Variants in TNRC6B observed in about 807,000 individuals in gnomAD.
TNRC6B encodes the protein trinucleotide repeat-containing gene 6B protein.
A neutral mutation model predicts 203.6 loss-of-function variants in TNRC6B; 52 were observed. That is an observed-to-expected ratio of 0.26 (90% CI 0.20 to 0.32). The LOEUF (loss-of-function observed/expected upper bound fraction) is 0.32, where lower values mean the gene tolerates loss of function less well. Ranked by LOEUF, TNRC6B falls within the 10% of genes least tolerant of loss-of-function variation. The pLI, the probability that TNRC6B is intolerant of heterozygous loss-of-function variation, is 1.00. For missense variants in TNRC6B, 1,923 were observed against 2,286.2 expected (o/e 0.84, Z 3.24); for synonymous variants, 838 against 845.7 (o/e 0.99, Z 0.16).
chr22:40,197,346 T>A (rs762631267), intron 1 of TNRC6B, among the ~76,000 whole-genome samples: 4 of 151,982 alleles, frequency 2.6e-5, no homozygotes, highest in Non-Finnish European at 5.9e-5. Flanking sequence ...AGCACATGGC[T>A]TGATCTCAGC....
intron 3 of TNRC6B, among the ~76,000 whole-genome samples, chr22:40,259,596 T>TC (rs1262308372): frequency 3.3e-5 from 5 of 152,094 alleles, no homozygotes; most frequent in Admixed American, 2.6e-4. Context: ...CCACTCCCCC[T>TC]CCCCTTACTG....
intron 6 of TNRC6B, among the ~76,000 whole-genome samples, chr22:40,272,119 T>A (rs2070573034): frequency 6.6e-6 from 1 of 152,158 alleles, no homozygotes; most frequent in African/African-American, 2.4e-5. Flanking sequence ...TTGTATAATA[T>A]AAATCATAAA....
intron 17 of TNRC6B, among the ~76,000 whole-genome samples, chr22:40,311,493 C>T (rs944385086): frequency 6.6e-6 from 1 of 151,846 alleles, no homozygotes; most frequent in African/African-American, 2.4e-5. Flanking sequence ...TCTTTCTGTG[C>T]ATGCGTATTT....
At chr22:40,167,277 T>G (rs2068927900) in intron 4 of TNRC6B, among the ~76,000 whole-genome samples, 1 of 152,168 alleles carries the variant, frequency 6.6e-6, no homozygotes, top group South Asian at 2.1e-4. Context: ...AAGTCACTCA[T>G]AAGTCCATTG....
chr22:40,148,337 G>A (rs1168797558), intron 3 of TNRC6B, among the ~76,000 whole-genome samples: 1 of 145,670 alleles, frequency 6.9e-6, no homozygotes, highest in Non-Finnish European at 1.5e-5. Flanking sequence ...AGGCTGCAGT[G>A]CAGTGGCACA....
At chr22:40,254,547 G>A (rs767101083) in intron 3 of TNRC6B, among the ~76,000 whole-genome samples, 3 of 152,138 alleles carry the variant, frequency 2.0e-5, no homozygotes, top group Non-Finnish European at 2.9e-5. Flanking sequence ...AGATGTTAGA[G>A]TGATGGCTGG....
intron 3 of TNRC6B, among the ~76,000 whole-genome samples, chr22:40,155,559 T>C (rs2068812374): frequency 6.6e-6 from 1 of 152,022 alleles, no homozygotes; most frequent in Non-Finnish European, 1.5e-5. Flanking sequence ...AGTGCTGGGA[T>C]TACAGGCGTG....
chr22:40,132,408 G>C (rs1412713521), intron 3 of TNRC6B, among the ~76,000 whole-genome samples: 3 of 151,562 alleles, frequency 2.0e-5, no homozygotes, highest in Non-Finnish European at 4.4e-5. Context: ...ACGGAGCCAG[G>C]AGGCAGAGGT....
intron 1 of TNRC6B, among the ~76,000 whole-genome samples, chr22:40,080,684 C>T (rs2068056940): frequency 6.6e-6 from 1 of 152,126 alleles, no homozygotes; most frequent in Non-Finnish European, 1.5e-5. Flanking sequence ...ACTCCCTTGC[C>T]TGCCCTCTTA....
chr22:40,297,387 A>T (rs1192660265), intron 12 of TNRC6B, among the ~76,000 whole-genome samples: 1 of 152,222 alleles, frequency 6.6e-6, no homozygotes, highest in Non-Finnish European at 1.5e-5. Context: ...GTAGAATAAT[A>T]GGATCAACAA....
chr22:40,212,073 G>T (rs941785678), intron 1 of TNRC6B, among the ~76,000 whole-genome samples: 1 of 152,212 alleles, frequency 6.6e-6, no homozygotes, highest in African/African-American at 2.4e-5. Flanking sequence ...AATTTAGCCT[G>T]AAAGACAAAG....
At chr22:40,163,970 C>T (rs1053561635) in intron 4 of TNRC6B, among the ~76,000 whole-genome samples, 13 of 151,924 alleles carry the variant, frequency 8.6e-5, no homozygotes, top group Admixed American at 7.9e-4. Flanking sequence ...AGAGAGGTGC[C>T]TGGCACAAAA....
intron 1 of TNRC6B, among the ~76,000 whole-genome samples, chr22:40,066,536 T>C (rs2067894747): frequency 6.6e-6 from 1 of 152,116 alleles, no homozygotes; most frequent in South Asian, 2.1e-4. Flanking sequence ...ATCTGGGTAA[T>C]ACTGTTTGAG....
intron 15 of TNRC6B, among the ~76,000 whole-genome samples, chr22:40,301,898 G>A (rs1003122620): frequency 6.6e-6 from 1 of 152,096 alleles, no homozygotes; most frequent in Non-Finnish European, 1.5e-5. Flanking sequence ...CTACCGCCGG[G>A]AATTTTTAAA....
chr22:40,269,531 G>A (rs1453120909), intron 5 of TNRC6B, among the ~76,000 whole-genome samples: 1 of 152,110 alleles, frequency 6.6e-6, no homozygotes, highest in African/African-American at 2.4e-5. Context: ...TATCAGTGAT[G>A]CGGTGAGTAT....
intron 1 of TNRC6B, among the ~76,000 whole-genome samples, chr22:40,215,880 C>T (rs560250304): frequency 1.3e-5 from 2 of 152,230 alleles, no homozygotes; most frequent in African/African-American, 4.8e-5. Context: ...CTCAGCTTCT[C>T]CTTCATACAT....
chr22:40,316,153 G>A, intron 21 of TNRC6B, 141 bp downstream of exon 21: 1 of 657,522 alleles, frequency 1.5e-6, no homozygotes, highest in Non-Finnish European at 2.6e-6. Flanking sequence ...AGGAGATCAA[G>A]ACCATCCTGG....
chr22:40,060,441 C>T (rs1345742809), intron 1 of TNRC6B, among the ~76,000 whole-genome samples: 3 of 152,130 alleles, frequency 2.0e-5, no homozygotes, highest in African/African-American at 2.4e-5. Flanking sequence ...CATGCCCAGC[C>T]AACCTATGGA....
chr22:40,117,451 A>G (rs534295517), intron 2 of TNRC6B, among the ~76,000 whole-genome samples: 1 of 152,034 alleles, frequency 6.6e-6, no homozygotes, highest in East Asian at 1.9e-4. Flanking sequence ...AGTCCACATT[A>G]CTGCCAGGGT....
Sources: allele counts gnomAD v4.1 joint callset (sites outside exome capture counted in the v4.1 genomes callset), GRCh38; gene constraint gnomAD v4.1.1; transcripts MANE v1.5; gene names NCBI Gene and HGNC (gene_info 2026-07-23, HGNC 2026-07-21).